GPLD1: variants seen among roughly 807,000 people sequenced by gnomAD.
GPLD1 encodes glycosylphosphatidylinositol specific phospholipase D1, also known as phosphatidylinositol-glycan-specific phospholipase D.
In GPLD1, 84 loss-of-function variants were observed where a neutral mutation model predicts 112.6. The observed-to-expected ratio is 0.75, with a 90% CI of 0.63 to 0.89. The LOEUF is 0.89. Ranked by LOEUF, GPLD1 falls within the 40% of genes least tolerant of loss-of-function variation. The pLI, the probability that GPLD1 is intolerant of heterozygous loss-of-function variation, is 0.00. For synonymous variants in GPLD1, 386 were observed against 403.8 expected, an observed-to-expected ratio of 0.96 and a Z score of 0.53; for missense variants, 1,044 against 1,051.5, an observed-to-expected ratio of 0.99 and a Z score of 0.10.
chr6:24,441,411 A>C lies in GPLD1; in HGVS notation c.2021-4122T>G, dbSNP rs528692491. On this transcript the variant is annotated intron_variant, in intron 20 of 24. Coordinates refer to ENST00000230036, the MANE Select transcript of GPLD1 (RefSeq NM_001503.4). The stretch of plus-strand genomic sequence containing the variant: ...ACTGAAGCGCTTCAGTGAACTGGCA[A>C]AGATGCTGTAGATATTTTGACATTT... 2.0e-5 allele frequency among the ~76,000 whole-genome samples: 3 copies of C among 152,314 alleles called. No individual in the cohort carries two copies. In the South Asian group the frequency reaches 6.2e-4, roughly 32 times the overall value.
At chr6:24,455,964 CAG>C (rs1483513750) in intron 13 of GPLD1, among the ~76,000 whole-genome samples, 5 of 152,104 alleles carry the variant, frequency 3.3e-5, no homozygotes, top group Non-Finnish European at 7.3e-5. Flanking sequence ...CGCTTGAGCC[CAG>C]GAGTTTGAGA....
chr6:24,493,553 G>A (rs1764610903), upstream of GPLD1, among the ~76,000 whole-genome samples: 1 of 152,070 alleles, frequency 6.6e-6, no homozygotes, highest in African/African-American at 2.4e-5. Flanking sequence ...TCCCTCCGCA[G>A]GCAGGAGATG....
Position 24,475,147 on chromosome 6 carries a change from G to C in GPLD1, c.415C>G (p.Gln139Glu). The C allele has an allele frequency of 6.2e-7, 1 of 1,603,898 alleles. No homozygotes were observed. The highest frequency in any genetic ancestry group is 8.5e-7 in the Non-Finnish European group (1 of 1,170,732). Reference protein sequence around the residue: ...DVSWHSLGLEQGFLRTMGAID... With the variant: ...DVSWHSLGLEEGFLRTMGAID... ...GCTCCCATGGTCCTAAGGAATCCTT[G>C]TTCAAGGCCCAGACTATGCCAGCTG... is the stretch of plus-strand genomic sequence containing the variant. The change falls in exon 5 of 25, where the codon CAA becomes GAA. Residue 139 changes from glutamine (Q) to glutamate (E), a missense_variant. Gln to Glu is a conservative substitution (Grantham distance 29, BLOSUM62 2). Transcript: ENST00000230036.
chr6:24,463,566 C>A (rs537088210), intron 10 of GPLD1, among the ~76,000 whole-genome samples: 54 of 152,308 alleles, frequency 3.5e-4, no homozygotes, highest in South Asian at 2.9e-3. Context: ...CTCTTTGGAC[C>A]TTTTCTTGTC....
chr6:24,438,726 T>C (rs893923406), intron 20 of GPLD1, among the ~76,000 whole-genome samples: 1 of 152,104 alleles, frequency 6.6e-6, no homozygotes, highest in African/African-American at 2.4e-5. Flanking sequence ...CAACAGTTAA[T>C]ATTCAGAGTG....
intron 20 of GPLD1, among the ~76,000 whole-genome samples, chr6:24,442,772 G>C (rs1278204442): frequency 6.6e-6 from 1 of 151,630 alleles, no homozygotes; most frequent in African/African-American, 2.4e-5. Context: ...GTAGAGACAG[G>C]GTCTCACTGT....
chr6:24,463,895 A>C (rs1027511524), intron 10 of GPLD1, among the ~76,000 whole-genome samples: 3 of 152,222 alleles, frequency 2.0e-5, no homozygotes, highest in African/African-American at 7.2e-5. Flanking sequence ...GCAAACAAGC[A>C]ATCAACTCAT....
intron 13 of GPLD1, 70 bp from the exon 14 acceptor site, chr6:24,454,271 T>G (rs1763195840): frequency 8.9e-7 from 1 of 1,120,386 alleles, no homozygotes; most frequent in African/African-American, 1.6e-5. Flanking sequence ...CCTGCTTCTT[T>G]CCTTTCTAGA....
intron 5 of GPLD1, among the ~76,000 whole-genome samples, chr6:24,474,204 C>T (rs11759860): frequency 0.4 from 49,002 of 122,690 alleles, 8,076 homozygotes; most frequent in Middle Eastern, 0.44. Flanking sequence ...CACACACACA[C>T]ACATATATAT....
chr6:24,436,766 G>A, intron 21 of GPLD1, 30 bp from the exon 22 acceptor site: 1 of 1,607,418 alleles, frequency 6.2e-7, no homozygotes, highest in Non-Finnish European at 8.5e-7. Context: ...ACAGAAGGAA[G>A]TATTTGACTC....
At chr6:24,483,604 G>T (rs2127369802) in intron 2 of GPLD1, among the ~76,000 whole-genome samples, 1 of 151,964 alleles carries the variant, frequency 6.6e-6, no homozygotes, top group South Asian at 2.1e-4. Flanking sequence ...CTTGAACCTG[G>T]GAGGTGGAGG....
At chr6:24,463,797 A>T (rs1763510741) in intron 10 of GPLD1, among the ~76,000 whole-genome samples, 1 of 152,062 alleles carries the variant, frequency 6.6e-6, no homozygotes, top group Non-Finnish European at 1.5e-5. Flanking sequence ...TCTGTTATGA[A>T]TTTTTTTGTG....
chr6:24,471,991 A>G (rs945213407), intron 7 of GPLD1, among the ~76,000 whole-genome samples: 8 of 152,360 alleles, frequency 5.3e-5, no homozygotes, highest in South Asian at 2.1e-4. Context: ...AAGATACACA[A>G]TAAGTGAAAG....
At chr6:24,475,075 C>T in intron 5 of GPLD1, 46 bp downstream of exon 5, 1 of 936,696 alleles carries the variant, frequency 1.1e-6, no homozygotes, top group Non-Finnish European at 1.8e-6. Context: ...TTAGGTGAGA[C>T]AGTATCACTC....
At chr6:24,472,774 G>T in intron 6 of GPLD1, 138 bp from the exon 7 acceptor site, 1 of 609,392 alleles carries the variant, frequency 1.6e-6, no homozygotes. Context: ...TTAGGTAAAG[G>T]CATGCCTTTT....
intron 20 of GPLD1, among the ~76,000 whole-genome samples, chr6:24,444,524 C>T (rs1270323708): frequency 1.3e-5 from 2 of 151,438 alleles, no homozygotes; most frequent in African/African-American, 4.9e-5. Context: ...ACTATCTTTC[C>T]CATAAAGTAA....
At chr6:24,430,738 T>C (rs978864598) in intron 24 of GPLD1, among the ~76,000 whole-genome samples, 3 of 152,194 alleles carry the variant, frequency 2.0e-5, no homozygotes, top group Non-Finnish European at 4.4e-5. Flanking sequence ...GCCACTCTGA[T>C]CATCCTCTGA....
chr6:24,432,726 G>A (rs1762445924), intron 24 of GPLD1, among the ~76,000 whole-genome samples: 1 of 152,180 alleles, frequency 6.6e-6, no homozygotes, highest in South Asian at 2.1e-4. Context: ...TAATACTTAG[G>A]CTTTGTGGGG....
At chr6:24,430,982 G>A (rs1250254502) in intron 24 of GPLD1, among the ~76,000 whole-genome samples, 2 of 152,056 alleles carry the variant, frequency 1.3e-5, no homozygotes, top group African/African-American at 4.8e-5. Context: ...GTTGATATAT[G>A]TATAGTTTTA....
Sources: gnomAD v4.1 joint callset for allele counts (sites outside exome capture counted in the v4.1 genomes callset) on GRCh38, gnomAD v4.1.1 for gene constraint, MANE v1.5 for transcripts, NCBI Gene and HGNC (gene_info 2026-07-23, HGNC 2026-07-21) for gene names.